PAPPA2: variants seen among roughly 807,000 people sequenced by gnomAD.
PAPPA2 encodes pappalysin-2.
In PAPPA2, 86 loss-of-function variants were observed where a neutral mutation model predicts 176.4. The ratio of observed to expected loss-of-function variants is 0.49; its 90% CI spans 0.41 to 0.58. PAPPA2 has a LOEUF of 0.58. Among genes scored for constraint, PAPPA2 ranks in the 20% least tolerant of loss-of-function variants. The probability of loss-of-function intolerance (pLI) is 0.00; values close to 1 mark genes in which losing one functional copy is unlikely to be tolerated. For synonymous variants in PAPPA2, 809 were observed against 852.2 expected (o/e 0.95, Z 0.88); for missense variants, 2,073 against 2,256.9 (o/e 0.92, Z 1.65).
chr1:176,598,063 C>A (rs1199663341), intron 3 of PAPPA2, among the ~76,000 whole-genome samples: 2 of 152,140 alleles, frequency 1.3e-5, no homozygotes, highest in African/African-American at 4.8e-5. Context: ...CATATAAAAC[C>A]TGCTTTGTGG....
chr1:176,718,832 G>C (rs1391873476), intron 12 of PAPPA2, among the ~76,000 whole-genome samples: 10 of 151,928 alleles, frequency 6.6e-5, no homozygotes, highest in Middle Eastern at 3.4e-3. Flanking sequence ...AGTATTACAT[G>C]TACTTTGAAA....
rs993700663 is a variant in PAPPA2, at chr1:176,843,708, G to C, written c.*1254G>C. 1 of 152,154 alleles carries C rather than the reference G, an allele frequency of 6.6e-6. No individual in the cohort carries two copies. The highest frequency in any genetic ancestry group is 1.9e-4 in the East Asian group (1 of 5,176). The allele number at this position is 152,154 out of a possible 1,614,324, so 9.4% of individuals were successfully genotyped here. On this transcript the variant is annotated 3_prime_UTR_variant, in exon 23 of 23. Transcript: ENST00000367662. ...GGAGATGAAAGAACAGGCAAGAGCT[G>C]TCAGGGTTAAATCCAGGCCCGGGCA...
chr1:176,779,513 C>G (rs1025096770), intron 17 of PAPPA2, among the ~76,000 whole-genome samples: 5 of 120,298 alleles, frequency 4.2e-5, no homozygotes, highest in Admixed American at 2.5e-4. Flanking sequence ...CACACACACA[C>G]ACACACAGAG....
At chr1:176,551,615 A>G (rs1041252215) in intron 1 of PAPPA2, among the ~76,000 whole-genome samples, 1 of 152,202 alleles carries the variant, frequency 6.6e-6, no homozygotes, top group Non-Finnish European at 1.5e-5. Context: ...AATAATGATG[A>G]CAAAGCTAAT....
At chr1:176,793,033 C>A (rs900332811) in intron 19 of PAPPA2, among the ~76,000 whole-genome samples, 2 of 152,144 alleles carry the variant, frequency 1.3e-5, no homozygotes, top group Admixed American at 6.5e-5. Flanking sequence ...AAAGAATAGT[C>A]TCTGGAGTAA....
intron 1 of PAPPA2, among the ~76,000 whole-genome samples, chr1:176,484,698 C>T (rs968538215): frequency 3.3e-5 from 5 of 152,150 alleles, no homozygotes; most frequent in Non-Finnish European, 4.4e-5. Context: ...TCTTCTTGGT[C>T]GTTTCTTAAA....
chr1:176,498,176 C>T (rs1274219069), intron 1 of PAPPA2, among the ~76,000 whole-genome samples: 1 of 151,912 alleles, frequency 6.6e-6, no homozygotes, highest in Admixed American at 6.6e-5. Flanking sequence ...TTTCAGAGTC[C>T]GATAAACCTT....
chr1:176,724,858 T>G (rs533357995), intron 12 of PAPPA2, among the ~76,000 whole-genome samples: 1 of 152,362 alleles, frequency 6.6e-6, no homozygotes, highest in African/African-American at 2.4e-5. Context: ...AAATTCTTAC[T>G]AGAGATATGA....
intron 1 of PAPPA2, among the ~76,000 whole-genome samples, chr1:176,464,783 A>G (rs528111157): frequency 6.6e-6 from 1 of 152,302 alleles, no homozygotes; most frequent in South Asian, 2.1e-4. Context: ...CAAATCATAT[A>G]AATAGTTTTT....
intron 14 of PAPPA2, among the ~76,000 whole-genome samples, chr1:176,761,973 A>C (rs942113494): frequency 2.6e-5 from 4 of 152,208 alleles, no homozygotes; most frequent in African/African-American, 7.2e-5. Flanking sequence ...AGGAGAATGT[A>C]CCGGGAGGGT....
chr1:176,636,851 A>T (rs1435779223), intron 3 of PAPPA2, among the ~76,000 whole-genome samples: 2 of 152,164 alleles, frequency 1.3e-5, no homozygotes, highest in Non-Finnish European at 2.9e-5. Context: ...GTTCTTCATT[A>T]GAGATAAAAA....
At chr1:176,616,392 A>C in intron 3 of PAPPA2, 1 of 602,526 alleles carries the variant, frequency 1.7e-6, no homozygotes, top group South Asian at 1.5e-5. Flanking sequence ...CTTTTGTCCT[A>C]TGAATTGTAC....
chr1:176,469,661 T>A lies in PAPPA2; in HGVS notation c.-917+6243T>A, dbSNP rs527354091. Among the ~76,000 whole-genome samples, 4 of 152,344 alleles carry A rather than the reference T, an allele frequency of 2.6e-5. No homozygotes were observed. In the East Asian group the frequency reaches 7.7e-4, roughly 29 times the overall value. ...GGCAACTGGCCTCAGTGACTGCTTTTGATAACATCCACTGGGCCAAAGTTC... is the reference window on the plus strand; with the variant it reads ...GGCAACTGGCCTCAGTGACTGCTTTAGATAACATCCACTGGGCCAAAGTTC... On this transcript the variant is annotated intron_variant, in intron 1 of 22. Coordinates refer to ENST00000367662, the MANE Select transcript of PAPPA2 (RefSeq NM_020318.3).
intron 17 of PAPPA2, among the ~76,000 whole-genome samples, chr1:176,783,503 A>G (rs953491303): frequency 1.3e-5 from 2 of 152,242 alleles, no homozygotes; most frequent in Non-Finnish European, 2.9e-5. Flanking sequence ...TAAGAAGCAG[A>G]AAGAGCACAG....
At chr1:176,522,046 G>T (rs1649241876) in intron 1 of PAPPA2, among the ~76,000 whole-genome samples, 1 of 152,108 alleles carries the variant, frequency 6.6e-6, no homozygotes, top group Non-Finnish European at 1.5e-5. Context: ...TTTCCCTCTT[G>T]TTAGACCTAG....
At chr1:176,835,468 G>A (rs1339937935) in intron 21 of PAPPA2, among the ~76,000 whole-genome samples, 1 of 152,186 alleles carries the variant, frequency 6.6e-6, no homozygotes, top group East Asian at 1.9e-4. Flanking sequence ...CAGTGTGAAA[G>A]GGTTCCCTTT....
intron 1 of PAPPA2, among the ~76,000 whole-genome samples, chr1:176,531,197 A>C (rs539170760): frequency 6.6e-6 from 1 of 152,342 alleles, no homozygotes; most frequent in East Asian, 1.9e-4. Context: ...AGCCAGATCC[A>C]ACTTGGATTC....
At chr1:176,510,752 G>A (rs1648552137) in intron 1 of PAPPA2, among the ~76,000 whole-genome samples, 1 of 149,196 alleles carries the variant, frequency 6.7e-6, no homozygotes, top group African/African-American at 2.5e-5. Context: ...TAATATAATA[G>A]CACTGAAGGT....
chr1:176,785,436 G>A (rs1433318535), intron 17 of PAPPA2, among the ~76,000 whole-genome samples: 1 of 152,164 alleles, frequency 6.6e-6, no homozygotes, highest in East Asian at 1.9e-4. Flanking sequence ...GAGGCCCATG[G>A]AGAGACGGCA....
Sources: gnomAD v4.1 joint callset for allele counts (sites outside exome capture counted in the v4.1 genomes callset) on GRCh38, gnomAD v4.1.1 for gene constraint, MANE v1.5 for transcripts, NCBI Gene and HGNC (gene_info 2026-07-23, HGNC 2026-07-21) for gene names.